The following INSL6 variants were observed in gnomAD, a reference collection of about 807,000 sequenced individuals.
The protein encoded by INSL6 is insulin-like peptide INSL6.
INSL6 carries 16 observed loss-of-function variants against 9.4 expected under a neutral mutation model. The ratio of observed to expected loss-of-function variants is 1.70; its 90% CI spans 1.15 to 2.59. The LOEUF (loss-of-function observed/expected upper bound fraction) is 2.59. Ranked by LOEUF, INSL6 falls within the 30% of genes most tolerant of loss-of-function variation. The pLI is 0.00. For missense variants in INSL6, 391 were observed against 257.3 expected (o/e 1.52, Z -3.56); for synonymous variants, 154 against 96.9 (o/e 1.59, Z -3.46).
chr9:5,120,684 C>T (rs970027331), downstream of INSL6, among the ~76,000 whole-genome samples: 7 of 152,098 alleles, frequency 4.6e-5, no homozygotes, highest in African/African-American at 7.2e-5. Context: ...GACCTCTGTG[C>T]TAGTCATGAG....
intron 2 of INSL6, among the ~76,000 whole-genome samples, chr9:5,136,007 T>C (rs1824381332): frequency 6.6e-6 from 1 of 152,090 alleles, no homozygotes; most frequent in African/African-American, 2.4e-5. Flanking sequence ...TCTATGCAAA[T>C]AAACTAGAAA....
the INSL6 span, chr9:5,109,997 C>G: frequency 6.6e-6 from 1 of 152,174 alleles, no homozygotes; most frequent in Admixed American, 6.5e-5. Context: ...ATCGCATCGG[C>G]GACATTGGTT....
the INSL6 span, among the ~76,000 whole-genome samples, chr9:5,037,566 A>T: frequency 1.3e-5 from 2 of 152,332 alleles, no homozygotes; most frequent in South Asian, 4.1e-4. Context: ...AGGGACATGG[A>T]TGAAGCTGGA....
At chr9:5,110,311 T>C in the INSL6 span, 1 of 152,210 alleles carries the variant, frequency 6.6e-6, no homozygotes, top group African/African-American at 2.4e-5. Flanking sequence ...CCAGGGGCTG[T>C]TACCACCTTA....
chr9:5,105,485 C>T, the INSL6 span, among the ~76,000 whole-genome samples: 1 of 152,190 alleles, frequency 6.6e-6, no homozygotes, highest in Non-Finnish European at 1.5e-5. Flanking sequence ...AATGGCGATA[C>T]TGCCCAAAGT....
At chr9:5,095,321 G>A in the INSL6 span, among the ~76,000 whole-genome samples, 1 of 151,830 alleles carries the variant, frequency 6.6e-6, no homozygotes, top group Non-Finnish European at 1.5e-5. Context: ...ATCTGAACAG[G>A]CCTAGGAATA....
chr9:5,097,312 T>G, the INSL6 span: 17 of 152,200 alleles, frequency 1.1e-4, no homozygotes, highest in Non-Finnish European at 2.1e-4. Flanking sequence ...AACACTACTT[T>G]TTGACCCTGC....
intron 3 of INSL6, chr9:5,128,013 G>A (rs1331157636): frequency 8.6e-6 from 2 of 231,390 alleles, no homozygotes; most frequent in South Asian, 1.8e-4. Context: ...GGGGTTGTTC[G>A]TTGTTGTCAT....
chr9:5,132,872 G>T (rs928166829), intron 3 of INSL6: 3 of 152,186 alleles, frequency 2.0e-5, no homozygotes, highest in Non-Finnish European at 4.4e-5. Context: ...AAAATTAGAA[G>T]ATTACAACTT....
the INSL6 span, among the ~76,000 whole-genome samples, chr9:5,092,681 T>C: frequency 6.6e-6 from 1 of 152,288 alleles, no homozygotes; most frequent in African/African-American, 2.4e-5. Flanking sequence ...TACACAGAGA[T>C]AGCCAAGTCC....
At chr9:5,113,191 CT>C in the INSL6 span, among the ~76,000 whole-genome samples, 878 of 57,162 alleles carry the variant, frequency 0.015, 20 homozygotes, top group African/African-American at 0.051. Context: ...CTGGCAGGAG[CT>C]TTTTTTTTTT....
At chr9:5,119,948 A>AT (rs1823487859), downstream of INSL6, among the ~76,000 whole-genome samples, 1 of 152,230 alleles carries the variant, frequency 6.6e-6, no homozygotes, top group African/African-American at 2.4e-5. Context: ...AATTGATAAA[A>AT]TAAGTTTGAG....
the INSL6 span, chr9:5,044,559 A>G: frequency 1.7e-5 from 21 of 1,226,600 alleles, no homozygotes; most frequent in Admixed American, 2.2e-5. Context: ...GAGTTAAATG[A>G]TAAATATCTT....
chr9:5,147,708 T>C (rs1824628664), intron 2 of INSL6, among the ~76,000 whole-genome samples: 1 of 152,256 alleles, frequency 6.6e-6, no homozygotes. Flanking sequence ...GTAAATTTAG[T>C]TTCTTTACAT....
At chr9:5,043,103 A>T in the INSL6 span, among the ~76,000 whole-genome samples, 1 of 152,076 alleles carries the variant, frequency 6.6e-6, no homozygotes, top group African/African-American at 2.4e-5. Context: ...CCGCAGACAA[A>T]ATGCCTTAAA....
At chr9:5,033,810 G>T in the INSL6 span, among the ~76,000 whole-genome samples, 9 of 152,128 alleles carry the variant, frequency 5.9e-5, no homozygotes, top group Non-Finnish European at 1.0e-4. Context: ...AGACCATCGA[G>T]GCTAGGAAGA....
chr9:5,040,946 G>A, the INSL6 span: 14 of 452,122 alleles, frequency 3.1e-5, no homozygotes, highest in Non-Finnish European at 4.5e-5. Context: ...CGGAGCCAAG[G>A]AAAGAATCTC....
In INSL6 at chr9:5,141,152, A is replaced by G. The variant is rs373681201; in HGVS notation, c.377-7560T>C. ...TGATTCCATGACTTTGCTATTGTGA[A>G]TATGTTGCAATGAACATATGCATGC... On this transcript the variant is annotated intron_variant, in intron 2 of 3. Transcript: ENST00000649639. 1.4e-4 allele frequency among the ~76,000 whole-genome samples: 22 copies of G among 152,196 alleles called. No individual in the cohort carries two copies. The South Asian group carries it at 4.4e-3, about 30-fold the overall frequency.
the INSL6 span, chr9:5,073,665 A>G: frequency 6.6e-7 from 1 of 1,507,158 alleles, no homozygotes; most frequent in Non-Finnish European, 9.2e-7. Flanking sequence ...CAACAGTCAA[A>G]CAACAATTCT....
Sources: gnomAD v4.1 joint callset for allele counts (sites outside exome capture counted in the v4.1 genomes callset) on GRCh38, gnomAD v4.1.1 for gene constraint, MANE v1.5 for transcripts, NCBI Gene and HGNC (gene_info 2026-07-23, HGNC 2026-07-21) for gene names.